AKAP7: variants seen among roughly 807,000 people sequenced by gnomAD.
AKAP7 encodes the protein A kinase (PRKA) anchor protein 7.
Under a neutral mutation model 39.5 loss-of-function variants are expected in AKAP7, and 39 were observed. The ratio of observed to expected loss-of-function variants is 0.99; its 90% CI spans 0.76 to 1.29. The LOEUF (loss-of-function observed/expected upper bound fraction) is 1.29. Ranked by LOEUF, AKAP7 falls within the 50% of genes most tolerant of loss-of-function variation. The probability of loss-of-function intolerance (pLI) is 0.00; values close to 1 mark genes in which losing one functional copy is unlikely to be tolerated. For missense variants in AKAP7, 414 were observed against 407.7 expected, an observed-to-expected ratio of 1.02 and a Z score of -0.13; for synonymous variants, 140 against 139.1, an observed-to-expected ratio of 1.01 and a Z score of -0.05.
At chr6:131,127,517 G>A in the AKAP7 span, among the ~76,000 whole-genome samples, 8 of 152,112 alleles carry the variant, frequency 5.3e-5, no homozygotes, top group African/African-American at 1.4e-4. Flanking sequence ...GGAATGAAAG[G>A]AAAACATTTA....
Position 131,282,518 on chromosome 6 carries a change from A to G in AKAP7, c.*792A>G. 6.5e-7 allele frequency: 1 copy of G among 1,535,938 alleles called. No individual in the cohort carries two copies. On this transcript the variant is annotated 3_prime_UTR_variant, in exon 8 of 8. Coordinates refer to ENST00000431975, the MANE Select transcript of AKAP7 (RefSeq NM_016377.4). ...TTTATTAAAGCCTGAGACTCAGGCC[A>G]GAATTAGGAGGGAGCTTTTTGAAGG...
intron 5 of AKAP7, among the ~76,000 whole-genome samples, chr6:131,195,862 T>C (rs561798077): frequency 6.6e-6 from 1 of 152,270 alleles, no homozygotes; most frequent in Admixed American, 6.5e-5. Context: ...ACTTGCTGCT[T>C]TTAGGATCCT....
At chr6:131,206,231 A>G (rs1178804423) in intron 6 of AKAP7, among the ~76,000 whole-genome samples, 2 of 152,208 alleles carry the variant, frequency 1.3e-5, no homozygotes, top group African/African-American at 4.8e-5. Flanking sequence ...ATCTTCCCTG[A>G]TTTATGACTC....
At chr6:131,181,323 C>CAATG (rs1805214864) in intron 5 of AKAP7, among the ~76,000 whole-genome samples, 1 of 152,172 alleles carries the variant, frequency 6.6e-6, no homozygotes, top group African/African-American at 2.4e-5. Flanking sequence ...TCATCCTAAA[C>CAATG]CCCAGCATCA....
At chr6:131,258,872 G>T (rs1331608449) in intron 7 of AKAP7, among the ~76,000 whole-genome samples, 1 of 152,178 alleles carries the variant, frequency 6.6e-6, no homozygotes, top group Non-Finnish European at 1.5e-5. Context: ...ATGTATCTAT[G>T]TAGTGCCAGG....
chr6:131,262,753 C>A (rs1024765718), intron 7 of AKAP7, among the ~76,000 whole-genome samples: 1 of 152,110 alleles, frequency 6.6e-6, no homozygotes, highest in Non-Finnish European at 1.5e-5. Flanking sequence ...TTTGAACATT[C>A]TTTAAAAATA....
chr6:131,237,170 G>A (rs1333771399), intron 7 of AKAP7, among the ~76,000 whole-genome samples: 1 of 152,102 alleles, frequency 6.6e-6, no homozygotes, highest in East Asian at 1.9e-4. Context: ...TAATCATGTG[G>A]TTTTTGTCGT....
intron 5 of AKAP7, chr6:131,184,499 C>T: frequency 1.5e-6 from 1 of 679,024 alleles, no homozygotes. Flanking sequence ...TTCAGAGGTG[C>T]CGCAGATATC....
chr6:131,202,042 A>G (rs1328831128), intron 6 of AKAP7, among the ~76,000 whole-genome samples: 2 of 152,194 alleles, frequency 1.3e-5, no homozygotes, highest in East Asian at 3.9e-4. Context: ...AGAGAAATGC[A>G]AATCAAAACC....
intron 6 of AKAP7, chr6:131,201,038 G>T (rs894723875): frequency 6.6e-6 from 1 of 152,170 alleles, no homozygotes; most frequent in Non-Finnish European, 1.5e-5. Context: ...GCATTTAAAT[G>T]ATTTATTGGC....
At chr6:131,280,798 A>G (rs1200371533) in intron 7 of AKAP7, among the ~76,000 whole-genome samples, 1 of 152,200 alleles carries the variant, frequency 6.6e-6, no homozygotes, top group African/African-American at 2.4e-5. Flanking sequence ...ATAGTTGGGA[A>G]CCAGCTCTTT....
intron 7 of AKAP7, among the ~76,000 whole-genome samples, chr6:131,228,029 C>T (rs1303710707): frequency 6.6e-6 from 1 of 152,156 alleles, no homozygotes; most frequent in Non-Finnish European, 1.5e-5. Context: ...ACTGAGGAGA[C>T]CCTCTTCTCT....
chr6:131,159,956 A>G lies in AKAP7; in HGVS notation c.152-103A>G, dbSNP rs1023682103. The G allele has an allele frequency of 1.7e-5, 18 of 1,060,882 alleles. No homozygotes were observed. The East Asian group carries it at 4.5e-4, about 27-fold the overall frequency. The allele number at this position is 1,060,882 out of a possible 1,614,324, so 65.7% of individuals were successfully genotyped here. A position where few individuals can be genotyped will look rare whatever the true frequency, so the allele number is the denominator to read the frequency against. ...AACTCCTGCTTTAGATTTGAAAATG[A>G]CACTGATGAATGATTGCTACTTATA... is the stretch of plus-strand genomic sequence containing the variant. On this transcript the variant is annotated intron_variant, in intron 2 of 7. Transcript: ENST00000431975.
At chr6:131,275,637 C>T (rs1814681934) in intron 7 of AKAP7, among the ~76,000 whole-genome samples, 2 of 152,152 alleles carry the variant, frequency 1.3e-5, no homozygotes, top group Non-Finnish European at 1.5e-5. Flanking sequence ...GGCTGCGTGG[C>T]CTACAAACAT....
intron 7 of AKAP7, among the ~76,000 whole-genome samples, chr6:131,253,763 T>C (rs1266404482): frequency 6.6e-6 from 1 of 152,192 alleles, no homozygotes; most frequent in East Asian, 1.9e-4. Context: ...TCACTTCCTG[T>C]AATGACCTAC....
At chr6:131,236,746 C>T (rs1389035679) in intron 7 of AKAP7, among the ~76,000 whole-genome samples, 1 of 152,134 alleles carries the variant, frequency 6.6e-6, no homozygotes, top group East Asian at 1.9e-4. Context: ...AATTTTTGCA[C>T]ATTCATTTTG....
intron 1 of AKAP7, among the ~76,000 whole-genome samples, chr6:131,140,260 C>T (rs985708637): frequency 3.0e-5 from 4 of 132,640 alleles, no homozygotes; most frequent in African/African-American, 8.6e-5. Flanking sequence ...CACATGCGTT[C>T]TAGTGATTTT....
chr6:131,254,735 ACT>A (rs943446938), intron 7 of AKAP7, among the ~76,000 whole-genome samples: 1 of 152,146 alleles, frequency 6.6e-6, no homozygotes, highest in Non-Finnish European at 1.5e-5. Flanking sequence ...TGCACTGACA[ACT>A]CAGTTTCTTT....
chr6:131,263,227 T>C (rs1342554200), intron 7 of AKAP7, among the ~76,000 whole-genome samples: 1 of 152,186 alleles, frequency 6.6e-6, no homozygotes, highest in Non-Finnish European at 1.5e-5. Context: ...TGAGACCAAC[T>C]TACAGACACC....
Sources: allele counts gnomAD v4.1 joint callset (sites outside exome capture counted in the v4.1 genomes callset), GRCh38; gene constraint gnomAD v4.1.1; transcripts MANE v1.5; gene names NCBI Gene and HGNC (gene_info 2026-07-23, HGNC 2026-07-21).